MAPK14: variants seen among roughly 807,000 people sequenced by gnomAD.
MAPK14 encodes mitogen-activated protein kinase 14.
MAPK14 carries 16 observed loss-of-function variants against 49.6 expected under a neutral mutation model. The ratio of observed to expected loss-of-function variants is 0.32; its 90% CI spans 0.22 to 0.49. The LOEUF (loss-of-function observed/expected upper bound fraction) is 0.49, where lower values mean the gene tolerates loss of function less well. Among genes scored for constraint, MAPK14 ranks in the 20% least tolerant of loss-of-function variants. MAPK14 has a pLI of 0.99. For synonymous variants in MAPK14, 142 were observed against 158.0 expected (o/e 0.90, Z 0.76); for missense variants, 200 against 441.2 (o/e 0.45, Z 4.90).
At chr6:36,069,433 C>T (rs1165749124) in intron 3 of MAPK14, among the ~76,000 whole-genome samples, 1 of 152,120 alleles carries the variant, frequency 6.6e-6, no homozygotes, top group Non-Finnish European at 1.5e-5. Flanking sequence ...ATGGATTGGT[C>T]TTTGGGCCTC....
At chr6:36,093,041 A>G (rs549125213) in intron 8 of MAPK14, among the ~76,000 whole-genome samples, 10 of 152,320 alleles carry the variant, frequency 6.6e-5, no homozygotes, top group Admixed American at 1.3e-4. Flanking sequence ...ACTTCATGGC[A>G]GAGTTCTTGT....
the MAPK14 span, among the ~76,000 whole-genome samples, chr6:36,120,732 C>T: frequency 6.6e-6 from 1 of 152,316 alleles, no homozygotes; most frequent in South Asian, 2.1e-4. Context: ...TCCCACCTGC[C>T]GACGACAGTG....
intron 1 of MAPK14, among the ~76,000 whole-genome samples, chr6:36,048,317 A>G (rs1487482082): frequency 6.6e-6 from 1 of 152,108 alleles, no homozygotes. Context: ...TGCTGGGATT[A>G]CAGGCGTGAG....
At chr6:36,085,302 A>G (rs1471090689) in intron 8 of MAPK14, among the ~76,000 whole-genome samples, 2 of 152,176 alleles carry the variant, frequency 1.3e-5, no homozygotes, top group African/African-American at 2.4e-5. Flanking sequence ...GATAGGATCA[A>G]ATTCACACAT....
chr6:36,076,083 T>G (rs1453881409), intron 7 of MAPK14, 121 bp downstream of exon 7: 1 of 1,011,440 alleles, frequency 9.9e-7, no homozygotes, highest in Non-Finnish European at 1.4e-6. Context: ...AGTGATCCTT[T>G]TAAAGCCTGC....
intron 8 of MAPK14, among the ~76,000 whole-genome samples, chr6:36,081,284 T>C (rs553503586): frequency 3.5e-4 from 53 of 152,322 alleles, no homozygotes; most frequent in Non-Finnish European, 6.0e-4. Flanking sequence ...TGTTTTCTAC[T>C]AAGAGTTTTG....
At chr6:36,102,805 C>A in intron 10 of MAPK14, 156 bp downstream of exon 10, 1 of 1,358,562 alleles carries the variant, frequency 7.4e-7, no homozygotes, top group South Asian at 1.5e-5. Flanking sequence ...TTTGTGTTGT[C>A]AGATTTTTTT....
At chr6:36,036,975 A>C (rs1762776152) in intron 1 of MAPK14, among the ~76,000 whole-genome samples, 1 of 152,158 alleles carries the variant, frequency 6.6e-6, no homozygotes, top group African/African-American at 2.4e-5. Context: ...TCTTGACCTC[A>C]AGCGATCCTC....
intron 8 of MAPK14, among the ~76,000 whole-genome samples, chr6:36,091,406 A>G (rs1765223433): frequency 6.6e-6 from 1 of 152,232 alleles, no homozygotes; most frequent in Non-Finnish European, 1.5e-5. Flanking sequence ...TGATCATTAC[A>G]ATTAAAACAC....
chr6:36,081,233 A>G (rs972646325), intron 8 of MAPK14, among the ~76,000 whole-genome samples: 3 of 151,676 alleles, frequency 2.0e-5, no homozygotes, highest in African/African-American at 7.3e-5. Flanking sequence ...CATATTTTAG[A>G]CTGTATTGCC....
intron 3 of MAPK14, among the ~76,000 whole-genome samples, chr6:36,065,323 G>C (rs548809788): frequency 3.9e-4 from 59 of 152,264 alleles, no homozygotes; most frequent in Non-Finnish European, 6.9e-4. Flanking sequence ...TGCCATTATA[G>C]GGCAGGTATA....
intron 8 of MAPK14, among the ~76,000 whole-genome samples, chr6:36,081,824 C>T (rs1006338650): frequency 2.0e-5 from 3 of 152,106 alleles, no homozygotes; most frequent in Non-Finnish European, 4.4e-5. Flanking sequence ...TTTTAGATCA[C>T]TTTAAGTGAT....
At chr6:36,056,625 T>G (rs1763598728) in intron 2 of MAPK14, among the ~76,000 whole-genome samples, 1 of 152,246 alleles carries the variant, frequency 6.6e-6, no homozygotes, top group African/African-American at 2.4e-5. Flanking sequence ...TGAAAATAGT[T>G]TTGACTTTTG....
Position 36,028,791 on chromosome 6 carries a change from CTTTTTTTT to C in MAPK14, c.116+532_116+539del, listed in dbSNP as rs111234964. Among the ~76,000 whole-genome samples, 2,406 of 100,420 alleles carry C rather than the reference CTTTTTTTT, an allele frequency of 0.024. 98 individuals are homozygous for C. Among genetic ancestry groups the C allele is most frequent in the African/African-American group, 0.081 (2,239 of 27,680 alleles). 65.9% of individuals were successfully genotyped at this position (100,420 alleles called of 152,430 possible). A position where few individuals can be genotyped will look rare whatever the true frequency, so the allele number is the denominator to read the frequency against. On this transcript the variant is annotated intron_variant, in intron 1 of 11. Coordinates refer to ENST00000229794, the MANE Select transcript of MAPK14 (RefSeq NM_139012.3). This position sits in a 1 kb window ranked among gnomAD's most constrained non-coding sequence, Gnocchi z 5.1. Reference sequence around the variant, plus strand: ...ACCAGGAAGGGAGCTCTCTCCGGGCCTTTTTTTTTTTTTTTTTTTTTCAAAACTCTGTC... The same window carrying C: ...ACCAGGAAGGGAGCTCTCTCCGGGCCTTTTTTTTTTTTTCAAAACTCTGTC...
intron 2 of MAPK14, among the ~76,000 whole-genome samples, chr6:36,057,982 G>A (rs1194030432): frequency 6.6e-6 from 1 of 152,086 alleles, no homozygotes; most frequent in Non-Finnish European, 1.5e-5. Flanking sequence ...TGAATGGCCT[G>A]GGTTTTAAGG....
intron 6 of MAPK14, among the ~76,000 whole-genome samples, chr6:36,075,020 A>G (rs1044798103): frequency 1.3e-5 from 2 of 151,672 alleles, no homozygotes; most frequent in African/African-American, 4.8e-5. Flanking sequence ...AGGTCAGGAG[A>G]TAGAGACCAT....
At chr6:36,118,176 A>G in the MAPK14 span, among the ~76,000 whole-genome samples, 8 of 152,240 alleles carry the variant, frequency 5.3e-5, no homozygotes, top group Admixed American at 2.0e-4. Flanking sequence ...GCCATAATCT[A>G]GATAATTCCT....
chr6:36,058,506 A>G (rs1189546381), intron 2 of MAPK14, among the ~76,000 whole-genome samples: 1 of 152,258 alleles, frequency 6.6e-6, no homozygotes, highest in Non-Finnish European at 1.5e-5. Context: ...AGTAGAAAAC[A>G]AAAGCATAAT....
At position 36,087,987 on chromosome 6, in the gene MAPK14, A is replaced by G. The variant is rs183263718; in HGVS notation, c.683-8000A>G. Among the ~76,000 whole-genome samples the G allele has an allele frequency of 2.0e-3, 306 of 152,302 alleles. 1 individual carries two copies. Among genetic ancestry groups the G allele is most frequent in the Non-Finnish European group, 3.2e-3 (216 of 68,020 alleles). On this transcript the variant is annotated intron_variant, in intron 8 of 11. Transcript: ENST00000229794. ...GAAATAAAACTGCACATCTACAACCATCTGATCTTCAACAAACCTGACAAA... is the reference window on the plus strand; with the variant it reads ...GAAATAAAACTGCACATCTACAACCGTCTGATCTTCAACAAACCTGACAAA...
Sources: gnomAD v4.1 joint callset for allele counts (sites outside exome capture counted in the v4.1 genomes callset) on GRCh38, gnomAD v4.1.1 for gene constraint, Gnocchi (gnomAD v3.1) non-coding constraint, MANE v1.5 for transcripts, NCBI Gene and HGNC (gene_info 2026-07-23, HGNC 2026-07-21) for gene names.